EXT1: variants seen among roughly 807,000 people sequenced by gnomAD.
The protein encoded by EXT1 is exostosin-1.
Under a neutral mutation model 82.5 loss-of-function variants are expected in EXT1, and 20 were observed. The observed-to-expected ratio is 0.24, with a 90% CI of 0.17 to 0.35. EXT1 has a LOEUF of 0.35. Ranked by LOEUF, EXT1 falls within the 10% of genes least tolerant of loss-of-function variation. The pLI is 1.00. For missense variants in EXT1, 757 were observed against 936.5 expected (o/e 0.81, Z 2.50); for synonymous variants, 348 against 350.8 (o/e 0.99, Z 0.09).
At chr8:118,030,513 ACT>A (rs1165871758) in intron 1 of EXT1, among the ~76,000 whole-genome samples, 1 of 152,010 alleles carries the variant, frequency 6.6e-6, no homozygotes, top group Non-Finnish European at 1.5e-5. Flanking sequence ...ATGGAGTTTC[ACT>A]CTGTTGCCCA....
chr8:117,882,079 G>C (rs1201867853), intron 1 of EXT1, among the ~76,000 whole-genome samples: 1 of 152,106 alleles, frequency 6.6e-6, no homozygotes, highest in Non-Finnish European at 1.5e-5. Context: ...TTTTATTGTT[G>C]TTTAATTTAA....
chr8:117,897,551 C>T (rs1002458681), intron 1 of EXT1, among the ~76,000 whole-genome samples: 4 of 149,922 alleles, frequency 2.7e-5, no homozygotes, highest in Non-Finnish European at 4.4e-5. Flanking sequence ...TCAGCACTTT[C>T]CAAGAGTGTC....
intron 1 of EXT1, among the ~76,000 whole-genome samples, chr8:117,910,193 A>G (rs1315203641): frequency 1.3e-5 from 2 of 152,228 alleles, no homozygotes; most frequent in African/African-American, 4.8e-5. Context: ...CCAGATGCAC[A>G]ATAGACTAGT....
rs750470631 is a variant in EXT1, at chr8:117,853,600, A to ATC, written c.963-16400_963-16399insGA. On this transcript the variant is annotated intron_variant, in intron 1 of 10. Coordinates refer to ENST00000378204, the MANE Select transcript of EXT1 (RefSeq NM_000127.3). ...TACAGATAGTAAAGCTGCATCAGAA[A>ATC]AGAGCCTTAACAACTTGATTAGAGT... Among the ~76,000 whole-genome samples the ATC allele has an allele frequency of 2.9e-3, 436 of 152,370 alleles. 2 individuals are homozygous for ATC. The highest frequency in any genetic ancestry group is 5.3e-3 in the Non-Finnish European group (360 of 68,032).
intron 1 of EXT1, among the ~76,000 whole-genome samples, chr8:118,065,663 T>A (rs1264598428): frequency 3.3e-5 from 5 of 152,246 alleles, no homozygotes; most frequent in African/African-American, 1.2e-4. Context: ...CATTTGAACT[T>A]ACACTTTGGG....
At chr8:118,045,962 A>C (rs1816615997) in intron 1 of EXT1, among the ~76,000 whole-genome samples, 1 of 151,734 alleles carries the variant, frequency 6.6e-6, no homozygotes. Context: ...CACACAGCTA[A>C]TTTTTGTATT....
At chr8:117,879,103 T>A (rs1813018028) in intron 1 of EXT1, among the ~76,000 whole-genome samples, 1 of 152,198 alleles carries the variant, frequency 6.6e-6, no homozygotes, top group Admixed American at 6.5e-5. Context: ...TGTCAACAGC[T>A]CAAGAATATA....
intron 1 of EXT1, among the ~76,000 whole-genome samples, chr8:118,062,398 T>C (rs1458112155): frequency 6.6e-6 from 1 of 152,158 alleles, no homozygotes; most frequent in Non-Finnish European, 1.5e-5. Context: ...CTTCACGCTA[T>C]ATACAAAGAC....
At chr8:117,989,364 C>T (rs1012961787) in intron 1 of EXT1, among the ~76,000 whole-genome samples, 2 of 152,086 alleles carry the variant, frequency 1.3e-5, no homozygotes, top group African/African-American at 4.8e-5. Flanking sequence ...CCCCTGCCCC[C>T]CACTATTTGT....
chr8:118,104,566 C>A (rs185518041), intron 1 of EXT1, among the ~76,000 whole-genome samples: 1 of 152,158 alleles, frequency 6.6e-6, no homozygotes, highest in African/African-American at 2.4e-5. Context: ...TCAGAAAATA[C>A]CTTGTTTCAA....
intron 1 of EXT1, among the ~76,000 whole-genome samples, chr8:117,848,048 A>G (rs1327463557): frequency 6.6e-6 from 1 of 152,186 alleles, no homozygotes; most frequent in Non-Finnish European, 1.5e-5. Context: ...TACACAAACA[A>G]GACCTCAGAA....
At chr8:117,938,797 C>A (rs1814217959) in intron 1 of EXT1, among the ~76,000 whole-genome samples, 1 of 152,172 alleles carries the variant, frequency 6.6e-6, no homozygotes, top group African/African-American at 2.4e-5. Flanking sequence ...AATTTGGACC[C>A]AATGCCCACT....
intron 1 of EXT1, among the ~76,000 whole-genome samples, chr8:117,938,100 G>T (rs60553718): frequency 6.6e-6 from 1 of 152,188 alleles, no homozygotes; most frequent in Non-Finnish European, 1.5e-5. Context: ...CAGAGATCCA[G>T]AACAGTTTCT....
intron 1 of EXT1, among the ~76,000 whole-genome samples, chr8:117,978,561 G>C (rs940807472): frequency 6.6e-6 from 1 of 152,170 alleles, no homozygotes; most frequent in Non-Finnish European, 1.5e-5. Flanking sequence ...TGAGGATTAT[G>C]AGGTGGAGTA....
intron 1 of EXT1, among the ~76,000 whole-genome samples, chr8:118,032,508 C>CTTT (rs1207517029): frequency 3.0e-5 from 4 of 133,156 alleles, no homozygotes; most frequent in Non-Finnish European, 4.9e-5. Flanking sequence ...AGGGTAACAA[C>CTTT]TTTTTTTTTT....
Position 117,928,724 on chromosome 8 carries a change from A to G in EXT1, c.963-91523T>C, listed in dbSNP as rs1813995956. Among the ~76,000 whole-genome samples the G allele has an allele frequency of 5.9e-5, 9 of 152,098 alleles. No homozygotes were observed. The South Asian group carries it at 1.9e-3, about 32-fold the overall frequency. ...TCTGAAGCAATGACTGGAAAAGTGT[A>G]TGTGCAAAGCCTGTGGGTTCTCTTG... On this transcript the variant is annotated intron_variant, in intron 1 of 10. Coordinates refer to ENST00000378204, the MANE Select transcript of EXT1 (RefSeq NM_000127.3).
intron 1 of EXT1, among the ~76,000 whole-genome samples, chr8:117,953,896 C>A (rs938628213): frequency 1.3e-5 from 2 of 151,750 alleles, no homozygotes; most frequent in African/African-American, 4.8e-5. Context: ...GGGGACAGAG[C>A]AAGACTCCAC....
chr8:118,035,302 G>A (rs1475482207), intron 1 of EXT1, among the ~76,000 whole-genome samples: 1 of 152,086 alleles, frequency 6.6e-6, no homozygotes, highest in Non-Finnish European at 1.5e-5. Flanking sequence ...TGTGCGGTAG[G>A]CCTGCAATTC....
chr8:117,801,869 T>C (rs1823171967), intron 10 of EXT1, among the ~76,000 whole-genome samples: 1 of 152,222 alleles, frequency 6.6e-6, no homozygotes, highest in Non-Finnish European at 1.5e-5. Flanking sequence ...AAAATACTCA[T>C]ATATGCAACT....
Sources: allele counts gnomAD v4.1 joint callset (sites outside exome capture counted in the v4.1 genomes callset), GRCh38; gene constraint gnomAD v4.1.1; transcripts MANE v1.5; gene names NCBI Gene and HGNC (gene_info 2026-07-23, HGNC 2026-07-21).